The following MS4A13 variants were observed in gnomAD, a reference collection of about 807,000 sequenced individuals.
MS4A13 encodes the protein membrane spanning 4-domains A13, also known as membrane-spanning 4-domains subfamily A member 13.
In MS4A13, 21 loss-of-function variants were observed where a neutral mutation model predicts 18.4. That is an observed-to-expected ratio of 1.14 (90% CI 0.81 to 1.64). The LOEUF is 1.64. MS4A13 is among the 40% of genes most tolerant of loss of function. The pLI, the probability that MS4A13 is intolerant of heterozygous loss-of-function variation, is 0.00. For missense variants in MS4A13, 173 were observed against 176.8 expected (o/e 0.98, Z 0.12); for synonymous variants, 62 against 57.2 (o/e 1.08, Z -0.38).
chr11:60,539,296 A>G (rs946240284), intron 6 of MS4A13, among the ~76,000 whole-genome samples: 2 of 152,112 alleles, frequency 1.3e-5, no homozygotes, highest in Non-Finnish European at 2.9e-5. Context: ...GAAATTATGA[A>G]AAACCCAATG....
chr11:60,529,574 T>C (rs1210148693), intron 6 of MS4A13, 114 bp downstream of exon 6: 1 of 464,424 alleles, frequency 2.2e-6, no homozygotes, highest in Non-Finnish European at 3.7e-6. Flanking sequence ...ATAAATGGAA[T>C]GTGTGATATT....
chr11:60,533,593 A>C (rs1476115358), intron 6 of MS4A13, among the ~76,000 whole-genome samples: 2 of 115,690 alleles, frequency 1.7e-5, no homozygotes, highest in Non-Finnish European at 3.5e-5. Context: ...GTTGGAAAAC[A>C]CTCTGCAGGA....
At chr11:60,527,573 C>T (rs936990297) in intron 5 of MS4A13, among the ~76,000 whole-genome samples, 6 of 152,058 alleles carry the variant, frequency 3.9e-5, no homozygotes, top group Non-Finnish European at 7.4e-5. Flanking sequence ...CGGTGGCTCA[C>T]GCCTGTAATC....
chr11:60,527,237 A>G (rs1295231353), intron 5 of MS4A13, among the ~76,000 whole-genome samples: 1 of 152,156 alleles, frequency 6.6e-6, no homozygotes, highest in Non-Finnish European at 1.5e-5. Flanking sequence ...AATTAGGGTT[A>G]TCTTGGTTTT....
chr11:60,541,937 A>T (rs1159976169), intron 6 of MS4A13, among the ~76,000 whole-genome samples: 1 of 151,962 alleles, frequency 6.6e-6, no homozygotes, highest in Non-Finnish European at 1.5e-5. Flanking sequence ...CGTCTCTACT[A>T]AAAATACAAA....
At chr11:60,522,235 G>GATGTATATATATATATATATCT (rs1231071278) in intron 3 of MS4A13, among the ~76,000 whole-genome samples, 58 of 112,184 alleles carry the variant, frequency 5.2e-4, no homozygotes, top group African/African-American at 1.7e-3. Context: ...TAGATAGATA[G>GATGTATATATATATATATATCT]ATAGATGTAT....
chr11:60,542,630 T>C lies in MS4A13; in HGVS notation c.*55T>C, dbSNP rs1284569526. 1.2e-5 allele frequency: 13 copies of C among 1,118,604 alleles called. No individual in the cohort carries two copies. The highest frequency in any genetic ancestry group is 1.7e-5 in the Non-Finnish European group (13 of 749,762). 69.3% of individuals were successfully genotyped at this position (1,118,604 alleles called of 1,614,324 possible). ...TGCTGATGCCTGGTGTGGGTCCTAA[T>C]GATATCTCTGTATAACAAAGCAGTT... On this transcript the variant is annotated 3_prime_UTR_variant, in exon 7 of 7. Coordinates refer to ENST00000378186, the MANE Select transcript of MS4A13 (RefSeq NM_001012417.3).
intron 5 of MS4A13, among the ~76,000 whole-genome samples, chr11:60,527,396 C>CTGTG (rs1157163515): frequency 6.7e-4 from 71 of 105,750 alleles, no homozygotes; most frequent in African/African-American, 1.4e-3. Context: ...CTCTCTCTCT[C>CTGTG]TCTCTCTCTC....
intron 6 of MS4A13, among the ~76,000 whole-genome samples, chr11:60,538,191 AC>A (rs1409027924): frequency 4.8e-5 from 7 of 144,536 alleles, no homozygotes; most frequent in East Asian, 2.1e-4. Context: ...AAAAAAAAAA[AC>A]GAAAAAAAAA....
At chr11:60,519,720 T>C (rs986580893) in intron 3 of MS4A13, among the ~76,000 whole-genome samples, 4 of 152,182 alleles carry the variant, frequency 2.6e-5, no homozygotes, top group African/African-American at 9.7e-5. Flanking sequence ...GCTGTGCAAC[T>C]ATAATAAAAC....
intron 6 of MS4A13, among the ~76,000 whole-genome samples, chr11:60,531,300 T>G (rs1374114475): frequency 1.3e-5 from 2 of 152,158 alleles, no homozygotes; most frequent in Non-Finnish European, 2.9e-5. Context: ...AAAAATTTAC[T>G]AGCAACCAAC....
At position 60,542,565 on chromosome 11, in the gene MS4A13, G is replaced by T; in HGVS notation, c.449G>T (p.Ser150Ile). ...DLTSVTEEAE[S>I]TP ...ACATCTGTTACTGAGGAAGCTGAGA[G>T]CACTCCTTAAAAACCCTAGAAATAT... is the stretch of plus-strand genomic sequence containing the variant. The change falls in exon 7 of 7, where the codon AGC (serine) becomes ATC (isoleucine). Residue 150 changes from serine to isoleucine, a missense_variant. By Grantham distance (142) the Ser-to-Ile change is moderately radical (BLOSUM62 -2). Coordinates refer to ENST00000378186, the MANE Select transcript of MS4A13 (RefSeq NM_001012417.3). 6.2e-7 allele frequency: 1 copy of T among 1,609,348 alleles called. No individual in the cohort carries two copies. Among genetic ancestry groups the T allele is most frequent in the Non-Finnish European group, 8.5e-7 (1 of 1,177,048 alleles).
At chr11:60,538,545 T>C (rs957431700) in intron 6 of MS4A13, among the ~76,000 whole-genome samples, 5 of 151,272 alleles carry the variant, frequency 3.3e-5, no homozygotes, top group Non-Finnish European at 1.5e-5. Context: ...ATATCTGCAA[T>C]GATTATGTCA....
At chr11:60,531,153 T>G (rs1269540584) in intron 6 of MS4A13, among the ~76,000 whole-genome samples, 3 of 152,158 alleles carry the variant, frequency 2.0e-5, no homozygotes, top group Non-Finnish European at 4.4e-5. Context: ...TTGAGATGAC[T>G]AGTTTTATTT....
intron 5 of MS4A13, among the ~76,000 whole-genome samples, chr11:60,528,287 T>C (rs1379012171): frequency 6.6e-6 from 1 of 152,198 alleles, no homozygotes; most frequent in Non-Finnish European, 1.5e-5. Flanking sequence ...AAATAAAAAT[T>C]TAAAGTTGCC....
intron 6 of MS4A13, among the ~76,000 whole-genome samples, chr11:60,538,002 G>T (rs1414183621): frequency 5.9e-5 from 7 of 119,574 alleles, no homozygotes; most frequent in Admixed American, 1.1e-4. Context: ...ACAGGAAGGG[G>T]AATATCACAC....
chr11:60,518,329 C>A, intron 3 of MS4A13, 117 bp downstream of exon 3: 1 of 756,664 alleles, frequency 1.3e-6, no homozygotes, highest in African/African-American at 1.8e-5. Context: ...TAACTAAATC[C>A]CATGTTGATA....
intron 5 of MS4A13, among the ~76,000 whole-genome samples, chr11:60,528,662 AGTTCT>A (rs1457461922): frequency 1.3e-4 from 20 of 152,196 alleles, no homozygotes; most frequent in African/African-American, 4.6e-4. Context: ...CATTCTTTCT[AGTTCT>A]GAGTATCATT....
intron 6 of MS4A13, among the ~76,000 whole-genome samples, chr11:60,538,489 T>C (rs998738752): frequency 1.3e-5 from 2 of 151,864 alleles, no homozygotes; most frequent in Admixed American, 1.3e-4. Flanking sequence ...GATTTAATCA[T>C]TCCACCCTGT....
Sources: allele counts gnomAD v4.1 joint callset (sites outside exome capture counted in the v4.1 genomes callset), GRCh38; gene constraint gnomAD v4.1.1; transcripts MANE v1.5; gene names NCBI Gene and HGNC (gene_info 2026-07-23, HGNC 2026-07-21).